Variants in RSRC1 observed in about 807,000 individuals in gnomAD.
The protein encoded by RSRC1 is arginine and serine rich coiled-coil 1, also known as serine/Arginine-related protein 53.
A neutral mutation model predicts 49.1 loss-of-function variants in RSRC1; 39 were observed. That is an observed-to-expected ratio of 0.79 (90% CI 0.61 to 1.04). The LOEUF is 1.04. Ranked by LOEUF, RSRC1 falls within the 50% of genes least tolerant of loss-of-function variation. The pLI is 0.00. For synonymous variants in RSRC1, 143 were observed against 130.8 expected (o/e 1.09, Z -0.63); for missense variants, 388 against 402.4 (o/e 0.96, Z 0.31).
intron 7 of RSRC1, among the ~76,000 whole-genome samples, chr3:158,466,971 A>T (rs1737919587): frequency 6.6e-6 from 1 of 152,184 alleles, no homozygotes; most frequent in Non-Finnish European, 1.5e-5. Context: ...AGGCAGGAGG[A>T]TCACTTGAGC....
Position 158,537,090 on chromosome 3 carries a change from A to G in RSRC1, c.653-2A>G. The G allele has an allele frequency of 6.2e-7, 1 of 1,605,160 alleles. No homozygotes were observed. The highest frequency in any genetic ancestry group is 1.3e-5 in the African/African-American group (1 of 74,622). On this transcript the variant is annotated splice_acceptor_variant, in intron 7 of 9. Coordinates refer to ENST00000611884, the MANE Select transcript of RSRC1 (RefSeq NM_001271838.2). LOFTEE classifies it high-confidence loss of function. The stretch of plus-strand genomic sequence containing the variant: ...ACGCTGACATTATACCCTCTTTTTC[A>G]GACCAAGCCACCCTGGTAGAACAAG...
At chr3:158,433,661 T>G (rs766679959) in intron 6 of RSRC1, among the ~76,000 whole-genome samples, 16 of 152,076 alleles carry the variant, frequency 1.1e-4, no homozygotes, top group Middle Eastern at 3.4e-3. Context: ...GAGAACTACA[T>G]TTATAAAGCC....
At chr3:158,289,083 T>G (rs1726759270) in intron 4 of RSRC1, among the ~76,000 whole-genome samples, 1 of 152,170 alleles carries the variant, frequency 6.6e-6, no homozygotes, top group Admixed American at 6.5e-5. Flanking sequence ...CTGTTGTACT[T>G]CTTTCACCTT....
At chr3:158,188,072 G>A (rs1286981386) in intron 3 of RSRC1, among the ~76,000 whole-genome samples, 2 of 151,846 alleles carry the variant, frequency 1.3e-5, no homozygotes, top group Non-Finnish European at 1.5e-5. Context: ...TTTAGGCTTT[G>A]TTAGGATGGG....
chr3:158,229,081 T>C (rs199722633), intron 4 of RSRC1, among the ~76,000 whole-genome samples: 1,275 of 79,726 alleles, frequency 0.016, 22 homozygotes, highest in East Asian at 0.039. Flanking sequence ...CGTGTATATG[T>C]GTGTATAAAC....
intron 7 of RSRC1, among the ~76,000 whole-genome samples, chr3:158,471,822 C>G (rs146503710): frequency 6.6e-6 from 1 of 152,200 alleles, no homozygotes; most frequent in East Asian, 1.9e-4. Flanking sequence ...TCCTATCCAA[C>G]CAACGTAGAC....
chr3:158,337,497 A>G (rs1729983468), intron 5 of RSRC1, among the ~76,000 whole-genome samples: 1 of 152,214 alleles, frequency 6.6e-6, no homozygotes, highest in Admixed American at 6.5e-5. Context: ...CTTTACATAC[A>G]TAATAGGGAA....
chr3:158,471,495 G>A (rs1321080810), intron 7 of RSRC1, among the ~76,000 whole-genome samples: 1 of 152,150 alleles, frequency 6.6e-6, no homozygotes, highest in African/African-American at 2.4e-5. Flanking sequence ...GGAGAGATCA[G>A]GGTAATGGGA....
At chr3:158,170,620 T>C (rs1417350227) in intron 3 of RSRC1, among the ~76,000 whole-genome samples, 1 of 152,154 alleles carries the variant, frequency 6.6e-6, no homozygotes, top group Non-Finnish European at 1.5e-5. Flanking sequence ...CTCATTTTTA[T>C]TTCCTCTTTG....
chr3:158,209,898 A>G (rs1721569010), intron 4 of RSRC1, among the ~76,000 whole-genome samples: 1 of 152,148 alleles, frequency 6.6e-6, no homozygotes, highest in African/African-American at 2.4e-5. Context: ...CTTTATAGAT[A>G]TATGTTAGTT....
chr3:158,386,157 A>G (rs894156619), intron 6 of RSRC1, among the ~76,000 whole-genome samples: 1 of 152,074 alleles, frequency 6.6e-6, no homozygotes, highest in African/African-American at 2.4e-5. Flanking sequence ...AACATACAGT[A>G]TATGCTTTAA....
At chr3:158,458,533 G>A (rs944111411) in intron 6 of RSRC1, among the ~76,000 whole-genome samples, 40 of 152,270 alleles carry the variant, frequency 2.6e-4, no homozygotes, top group African/African-American at 8.2e-4. Context: ...CTTTCTTGGC[G>A]TCCAGGGTGG....
chr3:158,197,825 G>C (rs888800535), intron 3 of RSRC1, among the ~76,000 whole-genome samples: 1 of 152,170 alleles, frequency 6.6e-6, no homozygotes, highest in Non-Finnish European at 1.5e-5. Context: ...TTAATCGTCA[G>C]TTCTCGTTTG....
chr3:158,198,145 T>C (rs1272606009), intron 3 of RSRC1, among the ~76,000 whole-genome samples: 2 of 152,104 alleles, frequency 1.3e-5, no homozygotes, highest in Non-Finnish European at 2.9e-5. Flanking sequence ...TGTAAGTCTC[T>C]GAGGACTTGC....
chr3:158,418,381 G>A (rs535602746), intron 6 of RSRC1, among the ~76,000 whole-genome samples: 1 of 152,076 alleles, frequency 6.6e-6, no homozygotes, highest in East Asian at 1.9e-4. Flanking sequence ...GAGAATACTT[G>A]TTTTTACAAT....
At chr3:158,131,419 T>A (rs765994040) in intron 3 of RSRC1, among the ~76,000 whole-genome samples, 5 of 152,204 alleles carry the variant, frequency 3.3e-5, no homozygotes, top group Admixed American at 6.5e-5. Context: ...GTTAGTCATT[T>A]CTATGTACTG....
chr3:158,150,791 G>A (rs192754175), intron 3 of RSRC1, among the ~76,000 whole-genome samples: 78 of 152,232 alleles, frequency 5.1e-4, no homozygotes, highest in Admixed American at 4.0e-3. Context: ...TTGTTTGGGA[G>A]CGAGGGGTGC....
At chr3:158,514,510 A>C (rs1029717622) in intron 7 of RSRC1, among the ~76,000 whole-genome samples, 2 of 152,032 alleles carry the variant, frequency 1.3e-5, no homozygotes, top group Admixed American at 6.5e-5. Context: ...GGTCTTTTAC[A>C]TTTGCTGAGG....
At chr3:158,510,017 A>T (rs1468250596) in intron 7 of RSRC1, among the ~76,000 whole-genome samples, 1 of 152,176 alleles carries the variant, frequency 6.6e-6, no homozygotes, top group East Asian at 1.9e-4. Flanking sequence ...CATTGTTTCC[A>T]AAGTGATTGA....
Sources: gnomAD v4.1 joint callset for allele counts (sites outside exome capture counted in the v4.1 genomes callset) on GRCh38, gnomAD v4.1.1 for gene constraint, MANE v1.5 for transcripts, NCBI Gene and HGNC (gene_info 2026-07-23, HGNC 2026-07-21) for gene names.